SPATC1: variants seen among roughly 807,000 people sequenced by gnomAD.
SPATC1 encodes speriolin.
A neutral mutation model predicts 36.5 loss-of-function variants in SPATC1; 35 were observed. That is an observed-to-expected ratio of 0.96 (90% CI 0.73 to 1.27). The LOEUF is 1.27. SPATC1 is among the 50% of genes most tolerant of loss of function. The pLI, the probability that SPATC1 is intolerant of heterozygous loss-of-function variation, is 0.00. For synonymous variants in SPATC1, 361 were observed against 353.6 expected (o/e 1.02, Z -0.24); for missense variants, 779 against 796.0 (o/e 0.98, Z 0.26).
At chr8:144,041,939 T>C (rs908079863) in intron 4 of SPATC1, 3 of 985,354 alleles carry the variant, frequency 3.0e-6, no homozygotes, top group Non-Finnish European at 3.6e-6. Context: ...TAAAGCATCC[T>C]TGGGTTAGTT....
chr8:144,040,397 C>G lies in SPATC1; in HGVS notation c.700C>G (p.Pro234Ala), dbSNP rs1554755628. The G allele has an allele frequency of 6.2e-7, 1 of 1,611,932 alleles. No individual in the cohort carries two copies. The highest frequency in any genetic ancestry group is 1.7e-5 in the Admixed American group (1 of 59,958). ...GGCCCCAAGGCTGCGGCTGGCTGAG[C>G]CACTCCGCGGAGGCCCCACTGGGCC... ...PEAPRLRLAE[P>A]LRGGPTGPQS... Residue 234 changes from proline (P) to alanine (A), a missense_variant, in exon 2 of 5, where the codon CCA becomes GCA. Pro to Ala is a conservative substitution (Grantham distance 27, BLOSUM62 -1). Coordinates refer to ENST00000377470, the MANE Select transcript of SPATC1 (RefSeq NM_198572.3).
rs1564279696 is a variant in SPATC1, at chr8:144,041,046, G to A, written c.1245G>A (p.Met415Ile). 6.2e-7 allele frequency: 1 copy of A among 1,607,260 alleles called. No individual in the cohort carries two copies. The highest frequency in any genetic ancestry group is 8.5e-7 in the Non-Finnish European group (1 of 1,177,240). ...PRTTEPSTKS[M>I]MEVERKLAHR... Reference sequence around the variant, plus strand: ...CCACAGAACCGTCGACGAAGAGCATGATGGAGGTGGAACGGAAGCTGGCCC... The same window carrying A: ...CCACAGAACCGTCGACGAAGAGCATAATGGAGGTGGAACGGAAGCTGGCCC... The change falls in exon 3 of 5, where the codon ATG becomes ATA. Residue 415 changes from methionine (M) to isoleucine (I), a missense_variant. Coordinates refer to ENST00000377470, the MANE Select transcript of SPATC1 (RefSeq NM_198572.3).
intron 1 of SPATC1, among the ~76,000 whole-genome samples, chr8:144,025,607 C>A (rs1278967015): frequency 6.6e-6 from 1 of 152,172 alleles, no homozygotes; most frequent in Non-Finnish European, 1.5e-5. Flanking sequence ...ATCTCTTAAA[C>A]ACAAGCTAAC....
rs782442963 is a variant in SPATC1 at position 144,041,371 on chromosome 8, G to A, written c.1446G>A (p.Gln482=). 2 of 1,607,922 alleles carry A rather than the reference G, an allele frequency of 1.2e-6. No individual in the cohort carries two copies. Among genetic ancestry groups the A allele is most frequent in the Non-Finnish European group, 1.7e-6 (2 of 1,179,838 alleles). The change falls in exon 4 of 5, where the codon CAG becomes CAA. Residue 482 remains glutamine, a splice_region_variant and synonymous_variant. Coordinates refer to ENST00000377470, the MANE Select transcript of SPATC1 (RefSeq NM_198572.3). ...CCAACATCCCAGAGAAGATCATCCA[G>A]GTGTGCGGCCAGGGGTCCTGCAGGG... ...TVSNIPEKII[Q]ASLNPSDHKL... is the part of the protein sequence containing the mutation.
intron 1 of SPATC1, among the ~76,000 whole-genome samples, chr8:144,033,801 TCA>T (rs1834845235): frequency 6.6e-6 from 1 of 152,158 alleles, no homozygotes; most frequent in African/African-American, 2.4e-5. Context: ...TTGGCTTTTC[TCA>T]GTCCATGCTG....
intron 2 of SPATC1, 43 bp downstream of exon 2, chr8:144,040,506 C>T: frequency 3.2e-6 from 5 of 1,559,344 alleles, no homozygotes; most frequent in Non-Finnish European, 4.3e-6. Context: ...TGGGGGGGGG[C>T]AGAGCCCTCC....
intron 1 of SPATC1, among the ~76,000 whole-genome samples, chr8:144,027,475 G>A (rs898813540): frequency 0.015 from 2,346 of 152,100 alleles, 58 homozygotes; most frequent in African/African-American, 0.054. Flanking sequence ...CTATTGTTTC[G>A]CTTGTTGTTT....
chr8:144,036,217 C>T (rs918073862), intron 1 of SPATC1, among the ~76,000 whole-genome samples: 7 of 152,224 alleles, frequency 4.6e-5, no homozygotes, highest in Non-Finnish European at 8.8e-5. Flanking sequence ...CCAGCTTGGG[C>T]GACAGAGTTA....
intron 4 of SPATC1, among the ~76,000 whole-genome samples, chr8:144,042,311 A>ATTTTTTTTTTTTTTTT (rs1184651892): frequency 2.1e-4 from 5 of 23,882 alleles, no homozygotes; most frequent in Non-Finnish European, 3.2e-4. Flanking sequence ...ATATATATAT[A>ATTTTTTTTTTTTTTTT]TTTTTTTTTT....
intron 1 of SPATC1, among the ~76,000 whole-genome samples, chr8:144,031,677 A>G (rs1834798788): frequency 6.8e-6 from 1 of 147,288 alleles, no homozygotes; most frequent in African/African-American, 2.5e-5. Flanking sequence ...ATTTTCAGAC[A>G]TTATTTCTTC....
In SPATC1 at chr8:144,040,953, C is replaced by G. The variant is rs371097135; in HGVS notation, c.1152C>G (p.His384Gln). ...QNLPVPHCPP[H>Q]NAHSPPRTSS... The stretch of plus-strand genomic sequence containing the variant: ...TGCCTGTCCCCCACTGTCCTCCACA[C>G]AACGCCCACTCCCCACCTCGTACCT... Residue 384 changes from histidine to glutamine, a missense_variant, in exon 3 of 5, where the codon CAC becomes CAG. Physicochemically the swap from His to Gln is conservative, Grantham distance 24. Coordinates refer to ENST00000377470, the MANE Select transcript of SPATC1 (RefSeq NM_198572.3). The G allele has an allele frequency of 1.2e-6, 2 of 1,609,478 alleles. No homozygotes were observed. Among genetic ancestry groups the G allele is most frequent in the Admixed American group, 3.4e-5 (2 of 59,592 alleles).
chr8:144,036,397 T>C (rs1834899004), intron 1 of SPATC1, among the ~76,000 whole-genome samples: 1 of 152,130 alleles, frequency 6.6e-6, no homozygotes, highest in African/African-American at 2.4e-5. Context: ...CGATCACGGC[T>C]CACCACAGCC....
rs116712479 is a variant in SPATC1, at chr8:144,040,497, G to C, written c.766+34G>C. On this transcript the variant is annotated intron_variant, in intron 2 of 4. Coordinates refer to ENST00000377470, the MANE Select transcript of SPATC1 (RefSeq NM_198572.3). Reference sequence around the variant, plus strand: ...TGTGGTGGGTGGTGGGTGGCAGAGTGGGGGGGGGCAGAGCCCTCCCACCTC... The same window carrying C: ...TGTGGTGGGTGGTGGGTGGCAGAGTCGGGGGGGGCAGAGCCCTCCCACCTC... 2,361 of 1,532,622 alleles carry C rather than the reference G, an allele frequency of 1.5e-3. 25 individuals are homozygous for C. In the African/African-American group the frequency reaches 0.029, roughly 19 times the overall value. 94.9% of individuals were successfully genotyped at this position (1,532,622 alleles called of 1,614,324 possible).
chr8:144,031,385 T>G lies in SPATC1; in HGVS notation c.212-8524T>G, dbSNP rs1467070453. ...TTTCTGATGAAAATTTTGCTGTTAA[T>G]CTTATAGAGGATCCCTTGTACATGA... is the stretch of plus-strand genomic sequence containing the variant. On this transcript the variant is annotated intron_variant, in intron 1 of 4. Transcript: ENST00000377470. Among the ~76,000 whole-genome samples, 3 of 152,122 alleles carry G rather than the reference T, an allele frequency of 2.0e-5. No individual in the cohort carries two copies. The South Asian group carries it at 6.2e-4, about 32-fold the overall frequency.
At chr8:144,012,859 C>A in intron 1 of SPATC1, 133 bp downstream of exon 1, 3 of 894,908 alleles carry the variant, frequency 3.4e-6, no homozygotes, top group Non-Finnish European at 3.5e-6. Flanking sequence ...CTCTAACACA[C>A]TCAGCTCACC....
chr8:144,033,071 CAA>C (rs1305550907), intron 1 of SPATC1, among the ~76,000 whole-genome samples: 1,442 of 128,258 alleles, frequency 0.011, 15 homozygotes, highest in African/African-American at 0.033. Flanking sequence ...CAACAAACAG[CAA>C]AAAAAAAAAA....
intron 3 of SPATC1, 36 bp from the exon 4 acceptor site, chr8:144,041,196 C>A (rs1554755983): frequency 4.3e-6 from 7 of 1,610,892 alleles, no homozygotes; most frequent in Admixed American, 1.7e-5. Context: ...CTCCTCTCAC[C>A]CTCTCACCTG....
intron 1 of SPATC1, among the ~76,000 whole-genome samples, chr8:144,021,515 T>C: frequency 9.1e-6 from 1 of 110,468 alleles, no homozygotes; most frequent in African/African-American, 3.4e-5. Flanking sequence ...CAGATCCCTC[T>C]CCCCTCAGGG....
chr8:144,014,327 GA>G (rs1554752842), intron 1 of SPATC1, among the ~76,000 whole-genome samples: 2 of 147,036 alleles, frequency 1.4e-5, no homozygotes, highest in East Asian at 2.0e-4. Flanking sequence ...AAGGAAAAAA[GA>G]AAGAAAGAAA....
Sources: allele counts gnomAD v4.1 joint callset (sites outside exome capture counted in the v4.1 genomes callset), GRCh38; gene constraint gnomAD v4.1.1; transcripts MANE v1.5; gene names NCBI Gene and HGNC (gene_info 2026-07-23, HGNC 2026-07-21).